KCNT1: variants seen among roughly 807,000 people sequenced by gnomAD.
KCNT1 encodes potassium sodium-activated channel subfamily T member 1.
In KCNT1, 78 loss-of-function variants were observed where a neutral mutation model predicts 147.8. That is an observed-to-expected ratio of 0.53 (90% CI 0.44 to 0.64). The LOEUF is 0.64. Ranked by LOEUF, KCNT1 falls within the 30% of genes least tolerant of loss-of-function variation. The pLI, the probability that KCNT1 is intolerant of heterozygous loss-of-function variation, is 0.00. For missense variants in KCNT1, 1,419 were observed against 1,750.3 expected, an observed-to-expected ratio of 0.81 and a Z score of 3.38; for synonymous variants, 867 against 748.8, an observed-to-expected ratio of 1.16 and a Z score of -2.58.
rs1426800081 is a variant in KCNT1, at chr9:135,784,010, C to G, written c.2842-14C>G. On this transcript the variant is annotated splice_polypyrimidine_tract_variant and intron_variant, in intron 24 of 30. Transcript: ENST00000371757. ...CTCGGCACCAGCCCATCTGAGGCCC[C>G]TCCTTTCCCACAGAGGGAGCGAGAG... is the stretch of plus-strand genomic sequence containing the variant. 6.2e-7 allele frequency: 1 copy of G among 1,605,008 alleles called. No homozygotes were observed. Among genetic ancestry groups the G allele is most frequent in the Non-Finnish European group, 8.5e-7 (1 of 1,178,798 alleles).
chr9:135,785,268 G>T (rs771379671), intron 27 of KCNT1, 42 bp from the exon 28 acceptor site: 5 of 1,610,772 alleles, frequency 3.1e-6, no homozygotes, highest in Non-Finnish European at 4.2e-6. Flanking sequence ...GGGGGGCAGG[G>T]GTGCGCCCAC....
At chr9:135,703,915 C>A (rs1835138180) in intron 1 of KCNT1, among the ~76,000 whole-genome samples, 1 of 152,234 alleles carries the variant, frequency 6.6e-6, no homozygotes. Flanking sequence ...AGCTGGCCTC[C>A]GTTGCAACAG....
intron 1 of KCNT1, among the ~76,000 whole-genome samples, chr9:135,705,510 C>A (rs983757630): frequency 1.3e-5 from 2 of 152,216 alleles, no homozygotes; most frequent in African/African-American, 4.8e-5. Context: ...GCCCGCCAGC[C>A]AGCTTGTGTG....
At chr9:135,791,936 T>C (rs1387012742) in intron 30 of KCNT1, 55 bp downstream of exon 30, 5 of 1,610,244 alleles carry the variant, frequency 3.1e-6, no homozygotes, top group African/African-American at 1.3e-5. Context: ...AGGTGGGCAC[T>C]GGGGAGATGA....
chr9:135,753,900 G>GGGGCCAGGGCC (rs1831334315), intron 4 of KCNT1, 37 bp from the exon 5 acceptor site: 2 of 1,612,822 alleles, frequency 1.2e-6, no homozygotes, highest in Admixed American at 1.7e-5. Flanking sequence ...TGGTGCTAGA[G>GGGGCCAGGGCC]GGGCCAGGGC....
intron 2 of KCNT1, among the ~76,000 whole-genome samples, chr9:135,749,513 A>G (rs1333305608): frequency 6.6e-6 from 1 of 152,112 alleles, no homozygotes; most frequent in Admixed American, 6.5e-5. Context: ...GAGGGGCCCC[A>G]CAGCTGGCCT....
intron 25 of KCNT1, 138 bp downstream of exon 25, chr9:135,784,263 G>C: frequency 1.4e-6 from 1 of 740,728 alleles, no homozygotes; most frequent in Non-Finnish European, 2.3e-6. Flanking sequence ...GAGACCTCTG[G>C]GCCCTGTCCT....
intron 2 of KCNT1, among the ~76,000 whole-genome samples, chr9:135,727,848 A>T (rs1474883125): frequency 6.6e-6 from 1 of 152,182 alleles, no homozygotes; most frequent in African/African-American, 2.4e-5. Context: ...ATCCTGACTG[A>T]CCGTCCCAAT....
At position 135,765,157 on chromosome 9, in the gene KCNT1, G is replaced by A. The variant is rs1832172595; in HGVS notation, c.1162G>A (p.Asp388Asn). ...CTCCCTCAAGATCGACCTTCTCATG[G>A]ACTTCCTGAACGAGTTCTACGCCCA... is the stretch of plus-strand genomic sequence containing the variant. ...VSSLKIDLLM[D>N]FLNEFYAHPR... Residue 388 changes from aspartate (D) to asparagine (N), a missense_variant, in exon 12 of 31, where the codon GAC becomes AAC. Around this residue, in one of 5 missense-constraint regions of KCNT1, gnomAD observed 401 missense variants for 610.6 expected, o/e 0.66. Coordinates refer to ENST00000371757, the MANE Select transcript of KCNT1 (RefSeq NM_020822.3). 1.2e-6 allele frequency: 2 copies of A among 1,613,236 alleles called. No individual in the cohort carries two copies. Among genetic ancestry groups the A allele is most frequent in the African/African-American group, 2.7e-5 (2 of 74,898 alleles).
intron 29 of KCNT1, among the ~76,000 whole-genome samples, chr9:135,787,432 T>C (rs947062999): frequency 1.3e-5 from 2 of 152,218 alleles, no homozygotes; most frequent in African/African-American, 4.8e-5. Flanking sequence ...AGGCTCCACC[T>C]TCCCTTTGTT....
chr9:135,702,190 A>C lies in KCNT1; in HGVS notation c.-69A>C. 1 of 1,173,372 alleles carries C rather than the reference A, an allele frequency of 8.5e-7. No homozygotes were observed. Among genetic ancestry groups the C allele is most frequent in the Non-Finnish European group, 1.2e-6 (1 of 801,072 alleles). 72.7% of individuals were successfully genotyped at this position (1,173,372 alleles called of 1,614,324 possible). A position where few individuals can be genotyped will look rare whatever the true frequency, so the allele number is the denominator to read the frequency against. The stretch of plus-strand genomic sequence containing the variant: ...GGAAAAAAAAAATGTTTTTCAGGGC[A>C]ACGCGAGGGAAGAAGGTGGCGGCTC... On this transcript the variant is annotated 5_prime_UTR_variant, in exon 1 of 31. Coordinates refer to ENST00000371757, the MANE Select transcript of KCNT1 (RefSeq NM_020822.3).
rs1308230788 is a variant in KCNT1 at position 135,765,113 on chromosome 9, A to G, written c.1118A>G (p.His373Arg). 6.2e-7 allele frequency: 1 copy of G among 1,613,528 alleles called. No individual in the cohort carries two copies. Among genetic ancestry groups the G allele is most frequent in the Non-Finnish European group, 8.5e-7 (1 of 1,179,936 alleles). ...YSRHRAQTEKHVVLCVSSLKI... is the reference protein window; with the variant it reads ...YSRHRAQTEKRVVLCVSSLKI... ...CGCCACCGTGCGCAGACGGAGAAGCACGTGGTCCTGTGTGTCAGCTCCCTC... is the reference window on the plus strand; with the variant it reads ...CGCCACCGTGCGCAGACGGAGAAGCGCGTGGTCCTGTGTGTCAGCTCCCTC... Residue 373 changes from histidine (H) to arginine (R), a missense_variant, in exon 12 of 31, where the codon CAC becomes CGC. By Grantham distance (29) the His-to-Arg change is conservative. Transcript: ENST00000371757.
At chr9:135,718,609 G>A (rs1178481457) in intron 2 of KCNT1, among the ~76,000 whole-genome samples, 1 of 152,216 alleles carries the variant, frequency 6.6e-6, no homozygotes, top group African/African-American at 2.4e-5. Flanking sequence ...TTGAGGGGCA[G>A]GGAGACCCAA....
At position 135,777,530 on chromosome 9, in the gene KCNT1, G is replaced by T; in HGVS notation, c.2522+20G>T. 3 of 1,588,554 alleles carry T rather than the reference G, an allele frequency of 1.9e-6. No individual in the cohort carries two copies. The highest frequency in any genetic ancestry group is 2.6e-6 in the Non-Finnish European group (3 of 1,167,060). On this transcript the variant is annotated intron_variant, in intron 21 of 30. Coordinates refer to ENST00000371757, the MANE Select transcript of KCNT1 (RefSeq NM_020822.3). ...CAACAAGTGAGGCTCCTGGGGCTCA[G>T]CCCACCCCGCCCACCCGGGCCCTCA...
intron 2 of KCNT1, among the ~76,000 whole-genome samples, chr9:135,721,164 C>T (rs1835907909): frequency 6.6e-6 from 1 of 152,054 alleles, no homozygotes; most frequent in South Asian, 2.1e-4. Context: ...AAGTGGCCCC[C>T]AACGCTCTCG....
chr9:135,759,369 G>A (rs992715025), intron 10 of KCNT1, among the ~76,000 whole-genome samples: 3 of 152,072 alleles, frequency 2.0e-5, no homozygotes, highest in Non-Finnish European at 4.4e-5. Flanking sequence ...ATGTTCCAGG[G>A]ACCTAGGAGA....
chr9:135,753,768 G>T, intron 4 of KCNT1, 169 bp from the exon 5 acceptor site: 1 of 658,520 alleles, frequency 1.5e-6, no homozygotes, highest in South Asian at 1.7e-5. Flanking sequence ...GGTGGGGAGG[G>T]GGCAGGCTGC....
chr9:135,709,157 T>A (rs2131318585), intron 1 of KCNT1, among the ~76,000 whole-genome samples: 1 of 152,324 alleles, frequency 6.6e-6, no homozygotes, highest in African/African-American at 2.4e-5. Flanking sequence ...ACAAGCTGGG[T>A]GCCCAGAGAA....
rs562016992 is a variant in KCNT1, at chr9:135,725,720, G to A, written c.254+11000G>A. On this transcript the variant is annotated intron_variant, in intron 2 of 30. Transcript: ENST00000371757. Reference sequence around the variant, plus strand: ...GGGGCCACTAAGGAGGTTCCCACGTGGAGCTGTGGCTGCCCTTGCTGGGTT... The same window carrying A: ...GGGGCCACTAAGGAGGTTCCCACGTAGAGCTGTGGCTGCCCTTGCTGGGTT... 2.6e-5 allele frequency among the ~76,000 whole-genome samples: 4 copies of A among 152,238 alleles called. No individual in the cohort carries two copies. In the East Asian group the frequency reaches 7.7e-4, roughly 29 times the overall value.
Sources: gnomAD v4.1 joint callset for allele counts (sites outside exome capture counted in the v4.1 genomes callset) on GRCh38, gnomAD v4.1.1 for gene constraint, gnomAD v4.1.1 regional missense constraint, MANE v1.5 for transcripts, NCBI Gene and HGNC (gene_info 2026-07-23, HGNC 2026-07-21) for gene names.